Variants in DMD observed in about 807,000 individuals in gnomAD.
The protein encoded by DMD is dystrophin, also known as mutant dystrophin.
In DMD, 63 loss-of-function variants were observed where a neutral mutation model predicts 330.1. The ratio of observed to expected loss-of-function variants is 0.19; its 90% CI spans 0.16 to 0.24. The LOEUF (loss-of-function observed/expected upper bound fraction) is 0.24, where lower values mean the gene tolerates loss of function less well. Among genes scored for constraint, DMD ranks in the 10% least tolerant of loss-of-function variants. DMD has a pLI of 1.00. For missense variants in DMD, 3,344 were observed against 2,684.1 expected, an observed-to-expected ratio of 1.25 and a Z score of -5.43; for synonymous variants, 1,223 against 959.8, an observed-to-expected ratio of 1.27 and a Z score of -5.07.
intron 44 of DMD, among the ~76,000 whole-genome samples, chrX:32,026,190 A>G (rs2095844538): frequency 2.7e-5 from 3 of 112,303 alleles, no homozygotes; most frequent in Admixed American, 1.9e-4. Context: ...ATTTTGTTAA[A>G]TTTGATAAAA....
At chrX:31,403,497 C>G (rs541886264) in intron 60 of DMD, among the ~76,000 whole-genome samples, 1 of 112,036 alleles carries the variant, frequency 8.9e-6, no homozygotes, top group African/African-American at 3.2e-5. Context: ...ATTCGAGAAA[C>G]AAATACTCCA....
chrX:32,450,363 C>G (rs1603633721), intron 26 of DMD, among the ~76,000 whole-genome samples: 1 of 111,178 alleles, frequency 9.0e-6, no homozygotes, highest in South Asian at 3.7e-4. Flanking sequence ...CTATAGAATG[C>G]TTAACTTCAC....
chrX:32,629,324 G>C (rs750200364), intron 11 of DMD, among the ~76,000 whole-genome samples: 62 of 111,786 alleles, frequency 5.5e-4, no homozygotes, highest in South Asian at 2.2e-3. Flanking sequence ...TCTGATAAAA[G>C]AATAGCTAAT....
intron 1 of DMD, among the ~76,000 whole-genome samples, chrX:33,075,446 A>T (rs772854779): frequency 4.3e-4 from 48 of 112,046 alleles, no homozygotes; most frequent in African/African-American, 1.6e-3. Flanking sequence ...CTCCATTGCA[A>T]TTCCCTTGTC....
At chrX:32,891,095 T>G (rs2085155248) in intron 2 of DMD, among the ~76,000 whole-genome samples, 2 of 112,643 alleles carry the variant, frequency 1.8e-5, no homozygotes, top group Non-Finnish European at 3.7e-5. Flanking sequence ...CTTTTTAAAG[T>G]GGCTACTCAA....
chrX:31,223,432 A>G (rs1186504943), intron 63 of DMD, among the ~76,000 whole-genome samples: 2 of 112,499 alleles, frequency 1.8e-5, no homozygotes, highest in Middle Eastern at 4.6e-3. Flanking sequence ...TTTTTTCTAG[A>G]AAGTAATCTG....
intron 2 of DMD, among the ~76,000 whole-genome samples, chrX:33,010,118 A>T (rs748500951): frequency 1.9e-5 from 2 of 103,065 alleles, no homozygotes; most frequent in Non-Finnish European, 4.0e-5. Context: ...ATATGTGCAC[A>T]TGTGTGTATA....
rs185545825 is a variant in DMD, at chrX:33,207,323, A to C, written c.31+3959T>G. On this transcript the variant is annotated intron_variant, in intron 1 of 78. Coordinates refer to ENST00000357033, the MANE Select transcript of DMD (RefSeq NM_004006.3). The stretch of plus-strand genomic sequence containing the variant: ...CATCTGGTTTAAGAAGGCACATTGA[A>C]TGCTATAATATGCTGTAATATATGA... 4.5e-5 allele frequency among the ~76,000 whole-genome samples: 5 copies of C among 111,391 alleles called. No homozygotes were observed. The East Asian group carries it at 1.4e-3, about 32-fold the overall frequency.
intron 16 of DMD, among the ~76,000 whole-genome samples, chrX:32,554,726 C>G (rs1224121070): frequency 4.9e-5 from 5 of 101,015 alleles, no homozygotes; most frequent in Non-Finnish European, 1.0e-4. Context: ...TGAAACTATT[C>G]CAAAAAAATT....
At chrX:32,844,117 A>T (rs2080414784) in intron 4 of DMD, among the ~76,000 whole-genome samples, 3 of 111,911 alleles carry the variant, frequency 2.7e-5, no homozygotes, top group East Asian at 2.8e-4. Context: ...CGTAAGAAAC[A>T]GAGTTCACCG....
chrX:32,771,950 G>A (rs2073656225), intron 7 of DMD, among the ~76,000 whole-genome samples: 1 of 111,747 alleles, frequency 8.9e-6, no homozygotes, highest in African/African-American at 3.3e-5. Flanking sequence ...GCACTAGGAG[G>A]TCCTAACTAA....
chrX:31,474,406 A>G (rs2067567495), intron 59 of DMD, among the ~76,000 whole-genome samples: 1 of 110,926 alleles, frequency 9.0e-6, no homozygotes, highest in African/African-American at 3.3e-5. Context: ...TGATATGGAT[A>G]TATAAAATGT....
At position 31,732,333 on chromosome X, in the gene DMD, T is replaced by C. The variant is rs186193944; in HGVS notation, c.7543-2585A>G. On this transcript the variant is annotated intron_variant, in intron 51 of 78. Transcript: ENST00000357033. ...ATAGGCTCTTTACTTAGTGGTCTTT[T>C]AGTATAGCAGAATGGGAATTTTCTC... Among the ~76,000 whole-genome samples the C allele has an allele frequency of 3.6e-5, 4 of 111,724 alleles. No homozygotes were observed. In the East Asian group the frequency reaches 1.1e-3, roughly 31 times the overall value.
intron 22 of DMD, among the ~76,000 whole-genome samples, chrX:32,470,028 G>T (rs867944401): frequency 1.8e-5 from 2 of 111,423 alleles, no homozygotes; most frequent in Admixed American, 9.6e-5. Context: ...TACATTTCCA[G>T]CAGTAAGAGA....
chrX:31,594,498 A>G (rs2077022580), intron 55 of DMD, among the ~76,000 whole-genome samples: 1 of 111,646 alleles, frequency 9.0e-6, no homozygotes, highest in South Asian at 3.7e-4. Context: ...AATGCTTAAG[A>G]TGCTTAATGT....
intron 1 of DMD, among the ~76,000 whole-genome samples, chrX:33,328,099 A>G (rs933744565): frequency 8.9e-6 from 1 of 112,146 alleles, no homozygotes; most frequent in Non-Finnish European, 1.9e-5. Context: ...CATCCAAGTA[A>G]TAAGAATAAA....
At chrX:31,164,209 G>A (rs1372922444) in intron 74 of DMD, among the ~76,000 whole-genome samples, 5 of 111,540 alleles carry the variant, frequency 4.5e-5, no homozygotes, top group African/African-American at 6.5e-5. Context: ...TCATTCTCAC[G>A]GTTTCAACTA....
At chrX:32,275,423 T>C in intron 43 of DMD, among the ~76,000 whole-genome samples, 1 of 112,039 alleles carries the variant, frequency 8.9e-6, no homozygotes, top group African/African-American at 3.2e-5. Flanking sequence ...CTGGGCATTA[T>C]ATATACAAGC....
intron 1 of DMD, among the ~76,000 whole-genome samples, chrX:33,075,704 A>G (rs1231318589): frequency 8.9e-6 from 1 of 112,078 alleles, no homozygotes; most frequent in African/African-American, 3.2e-5. Flanking sequence ...TGAAACCACC[A>G]TTGCAAAATT....
Sources: allele counts gnomAD v4.1 joint callset (sites outside exome capture counted in the v4.1 genomes callset), GRCh38; gene constraint gnomAD v4.1.1; transcripts MANE v1.5; gene names NCBI Gene and HGNC (gene_info 2026-07-23, HGNC 2026-07-21).